SMYD3: variants seen among roughly 807,000 people sequenced by gnomAD.
SMYD3 encodes the protein histone-lysine N-methyltransferase SMYD3.
In SMYD3, 36 loss-of-function variants were observed where a neutral mutation model predicts 57.7. That is an observed-to-expected ratio of 0.62 (90% CI 0.48 to 0.82). The LOEUF (loss-of-function observed/expected upper bound fraction) is 0.82, where lower values mean the gene tolerates loss of function less well. SMYD3 is among the 40% of genes least tolerant of loss of function. SMYD3 has a pLI of 0.00. For missense variants in SMYD3, 515 were observed against 538.8 expected, an observed-to-expected ratio of 0.96 and a Z score of 0.44; for synonymous variants, 211 against 195.0, an observed-to-expected ratio of 1.08 and a Z score of -0.68.
At chr1:246,356,794 AT>A (rs1474068377) in intron 1 of SMYD3, among the ~76,000 whole-genome samples, 3 of 152,226 alleles carry the variant, frequency 2.0e-5, no homozygotes, top group Non-Finnish European at 4.4e-5. Flanking sequence ...GTTTGGAACT[AT>A]GTTAAGCATG....
At chr1:246,297,821 C>A (rs2064822712) in intron 5 of SMYD3, among the ~76,000 whole-genome samples, 1 of 152,062 alleles carries the variant, frequency 6.6e-6, no homozygotes, top group Admixed American at 6.6e-5. Flanking sequence ...CATTTCAGTT[C>A]TAAATATGTG....
rs796510890 is a variant in SMYD3, at chr1:246,393,674, TAAAAAAAAAA to T, written c.165-38590_165-38581del. 5.4e-5 allele frequency among the ~76,000 whole-genome samples: 5 copies of T among 92,386 alleles called. No individual in the cohort carries two copies. In the South Asian group the frequency reaches 1.7e-3, roughly 31 times the overall value. 60.6% of individuals were successfully genotyped at this position (92,386 alleles called of 152,430 possible). A position where few individuals can be genotyped will look rare whatever the true frequency, so the allele number is the denominator to read the frequency against. ...AGCAACATAGCGTGACCCCCATCTC[TAAAAAAAAAA>T]AAAAAAAAAAAAAAAAATTTAATTA... On this transcript the variant is annotated intron_variant, in intron 1 of 11. Coordinates refer to ENST00000490107, the MANE Select transcript of SMYD3 (RefSeq NM_001167740.2).
chr1:245,990,784 G>A (rs1028459805), intron 5 of SMYD3, among the ~76,000 whole-genome samples: 1 of 152,146 alleles, frequency 6.6e-6, no homozygotes, highest in Non-Finnish European at 1.5e-5. Context: ...GACTCATGTC[G>A]GACTTTGGAC....
chr1:246,219,744 C>G (rs887118734), intron 5 of SMYD3, among the ~76,000 whole-genome samples: 8 of 152,188 alleles, frequency 5.3e-5, no homozygotes, highest in African/African-American at 1.7e-4. Flanking sequence ...TCCCAGCCCC[C>G]AGATGCAGCT....
At chr1:245,989,841 ATGTTTT>A (rs2148110409) in intron 5 of SMYD3, among the ~76,000 whole-genome samples, 1 of 152,344 alleles carries the variant, frequency 6.6e-6, no homozygotes, top group Non-Finnish European at 1.5e-5. Flanking sequence ...TAATGAAATT[ATGTTTT>A]CTATAATAAA....
At chr1:245,762,648 C>A (rs761615201) in intron 11 of SMYD3, among the ~76,000 whole-genome samples, 1 of 152,158 alleles carries the variant, frequency 6.6e-6, no homozygotes, top group Non-Finnish European at 1.5e-5. Flanking sequence ...GTGTTACTCC[C>A]GTTGGCCACA....
chr1:246,211,635 G>A (rs1017597331), intron 5 of SMYD3, among the ~76,000 whole-genome samples: 2 of 152,032 alleles, frequency 1.3e-5, no homozygotes, highest in South Asian at 4.1e-4. Flanking sequence ...AAATAAAAGG[G>A]GGAAGAGGTA....
intron 10 of SMYD3, among the ~76,000 whole-genome samples, chr1:245,801,131 G>A (rs567977255): frequency 6.6e-6 from 1 of 152,296 alleles, no homozygotes; most frequent in African/African-American, 2.4e-5. Context: ...CCCCACTTAA[G>A]AGAATTCAAT....
rs545994074 is a variant in SMYD3 at position 246,226,868 on chromosome 1, C to T, written c.531+100333G>A. 2.6e-5 allele frequency among the ~76,000 whole-genome samples: 4 copies of T among 152,286 alleles called. No homozygotes were observed. The South Asian group carries it at 8.3e-4, about 32-fold the overall frequency. On this transcript the variant is annotated intron_variant, in intron 5 of 11. Transcript: ENST00000490107. ...AAAACCAAAAGTGTTTAATAATCTT[C>T]ATTAATGAACTTTAAAGCTCAAGAA...
At chr1:245,775,332 A>G (rs536669578) in intron 10 of SMYD3, among the ~76,000 whole-genome samples, 1 of 152,334 alleles carries the variant, frequency 6.6e-6, no homozygotes, top group East Asian at 1.9e-4. Context: ...CTGTGTAGAA[A>G]GTAGACATGG....
intron 5 of SMYD3, among the ~76,000 whole-genome samples, chr1:245,958,981 C>A (rs1048982897): frequency 6.6e-6 from 1 of 152,146 alleles, no homozygotes; most frequent in Non-Finnish European, 1.5e-5. Context: ...GATCTCAGCT[C>A]ACTTCAACCT....
chr1:245,998,003 C>T (rs1483705839), intron 5 of SMYD3, among the ~76,000 whole-genome samples: 1 of 152,218 alleles, frequency 6.6e-6, no homozygotes, highest in East Asian at 1.9e-4. Flanking sequence ...GACAATAACA[C>T]AGTCTGTAGA....
chr1:246,232,358 G>C (rs564469971), intron 5 of SMYD3, among the ~76,000 whole-genome samples: 38 of 152,312 alleles, frequency 2.5e-4, no homozygotes, highest in African/African-American at 8.9e-4. Flanking sequence ...AGTAGTGCTG[G>C]ATGCAGTGTG....
intron 1 of SMYD3, among the ~76,000 whole-genome samples, chr1:246,472,853 C>CT (rs74163449): frequency 0.095 from 9,800 of 102,982 alleles, 978 homozygotes; most frequent in Middle Eastern, 0.14. Context: ...TCTCAAATTT[C>CT]TTTTTTTTTT....
chr1:246,127,750 G>A (rs1487375731), intron 5 of SMYD3, among the ~76,000 whole-genome samples: 1 of 151,934 alleles, frequency 6.6e-6, no homozygotes, highest in Non-Finnish European at 1.5e-5. Context: ...ACAAAAATTA[G>A]CCAGGCATGA....
intron 5 of SMYD3, among the ~76,000 whole-genome samples, chr1:246,005,106 C>T (rs915135118): frequency 6.6e-6 from 1 of 152,164 alleles, no homozygotes; most frequent in Admixed American, 6.5e-5. Context: ...ATCTTGGCCT[C>T]CCAAAGTGCT....
intron 1 of SMYD3, among the ~76,000 whole-genome samples, chr1:246,377,164 T>TA (rs1279192651): frequency 9.3e-6 from 1 of 107,030 alleles, no homozygotes; most frequent in Non-Finnish European, 2.3e-5. Context: ...CATATTTTAA[T>TA]AAAAAATAAC....
At chr1:246,197,559 T>C (rs929481372) in intron 5 of SMYD3, among the ~76,000 whole-genome samples, 6 of 151,532 alleles carry the variant, frequency 4.0e-5, no homozygotes, top group Non-Finnish European at 7.4e-5. Context: ...ATAATATTCC[T>C]CCAAACTGTC....
intron 8 of SMYD3, among the ~76,000 whole-genome samples, chr1:245,897,910 A>AT (rs1314033899): frequency 6.6e-6 from 1 of 151,908 alleles, no homozygotes; most frequent in African/African-American, 2.4e-5. Context: ...AAAAAAAAAA[A>AT]GTATTGTCAA....
Sources: gnomAD v4.1 joint callset for allele counts (sites outside exome capture counted in the v4.1 genomes callset) on GRCh38, gnomAD v4.1.1 for gene constraint, MANE v1.5 for transcripts, NCBI Gene and HGNC (gene_info 2026-07-23, HGNC 2026-07-21) for gene names.